Variants in BIRC6 observed in about 807,000 individuals in gnomAD.
BIRC6 encodes baculoviral IAP repeat containing 6, also known as dual E2 ubiquitin-conjugating enzyme/E3 ubiquitin-protein ligase BIRC6.
Under a neutral mutation model 503.3 loss-of-function variants are expected in BIRC6, and 98 were observed. That is an observed-to-expected ratio of 0.19 (90% CI 0.17 to 0.23). The LOEUF (loss-of-function observed/expected upper bound fraction) is 0.23, where lower values mean the gene tolerates loss of function less well. BIRC6 is among the 10% of genes least tolerant of loss of function. BIRC6 has a pLI of 1.00. For synonymous variants in BIRC6, 2,240 were observed against 2,078.7 expected, an observed-to-expected ratio of 1.08 and a Z score of -2.11; for missense variants, 5,360 against 5,806.0, an observed-to-expected ratio of 0.92 and a Z score of 2.50.
intron 46 of BIRC6, among the ~76,000 whole-genome samples, chr2:32,500,608 T>A: frequency 1.1e-5 from 1 of 88,350 alleles, no homozygotes; most frequent in East Asian, 2.2e-4. Context: ...TTGTTTTTGT[T>A]TTTTTTTTTT....
chr2:32,498,626 C>T (rs763133764), intron 45 of BIRC6, among the ~76,000 whole-genome samples: 9 of 152,000 alleles, frequency 5.9e-5, no homozygotes, highest in South Asian at 2.1e-4. Context: ...TTCGCTCTGT[C>T]ACCCAGGCTA....
chr2:32,553,721 C>G (rs1048507071), intron 65 of BIRC6, among the ~76,000 whole-genome samples: 1 of 151,980 alleles, frequency 6.6e-6, no homozygotes, highest in South Asian at 2.1e-4. Context: ...TAAAAAAAAG[C>G]GTTTGGTGGC....
chr2:32,509,590 C>T (rs2054186873), intron 51 of BIRC6, 148 bp from the exon 52 acceptor site: 1 of 875,862 alleles, frequency 1.1e-6, no homozygotes, highest in Non-Finnish European at 1.7e-6. Context: ...TGTCTGTTTA[C>T]TTAATTTGCA....
intron 35 of BIRC6, among the ~76,000 whole-genome samples, chr2:32,478,412 A>T (rs1415218482): frequency 6.6e-6 from 1 of 152,194 alleles, no homozygotes; most frequent in African/African-American, 2.4e-5. Flanking sequence ...GTAGAAATTT[A>T]ATTCTTAACT....
At position 32,482,511 on chromosome 2, in the gene BIRC6, T is replaced by C. The variant is rs1472338401; in HGVS notation, c.7625T>C (p.Ile2542Thr). The change falls in exon 39 of 74, where the codon ATT (isoleucine) becomes ACT (threonine). Residue 2542 changes from isoleucine to threonine, a missense_variant. Ile to Thr is a moderately conservative substitution (Grantham distance 89, BLOSUM62 -1). Transcript: ENST00000421745. ...NYNPYIGGLG[I>T]PVAKPPANTE... is the part of the protein sequence containing the mutation. ...AACCCTTACATTGGAGGTCTGGGAATTCCTGTAGCAAAGCCACCAGCAAAC... is the reference window on the plus strand; with the variant it reads ...AACCCTTACATTGGAGGTCTGGGAACTCCTGTAGCAAAGCCACCAGCAAAC... The C allele has an allele frequency of 6.2e-7, 1 of 1,613,956 alleles. No homozygotes were observed. Among genetic ancestry groups the C allele is most frequent in the South Asian group, 1.1e-5 (1 of 91,090 alleles).
chr2:32,514,742 A>G (rs757547443), intron 54 of BIRC6, among the ~76,000 whole-genome samples: 21 of 152,154 alleles, frequency 1.4e-4, no homozygotes, highest in Non-Finnish European at 1.9e-4. Flanking sequence ...AAAATAATTT[A>G]CTTGATTTTC....
chr2:32,417,326 T>C (rs2042481991), intron 10 of BIRC6, among the ~76,000 whole-genome samples: 1 of 152,036 alleles, frequency 6.6e-6, no homozygotes, highest in East Asian at 1.9e-4. Context: ...TATTTTTTTG[T>C]AGAAATGGGA....
At position 32,558,595 on chromosome 2, in the gene BIRC6, A is replaced by G. The variant is rs373745931; in HGVS notation, c.13144+9114A>G. 1.4e-4 allele frequency: 22 copies of G among 152,362 alleles called. No individual in the cohort carries two copies. The East Asian group carries it at 3.9e-3, about 27-fold the overall frequency. The allele number at this position is 152,362 out of a possible 1,614,324, so 9.4% of individuals were successfully genotyped here. On this transcript the variant is annotated intron_variant, in intron 65 of 73. Coordinates refer to ENST00000421745, the MANE Select transcript of BIRC6 (RefSeq NM_016252.4). Reference sequence around the variant, plus strand: ...AAACACATCACATATTTAAGCTTAAAATAATGGAGTTACTAAATGTCAGAG... The same window carrying G: ...AAACACATCACATATTTAAGCTTAAGATAATGGAGTTACTAAATGTCAGAG...
rs748204802 is a variant in BIRC6 at position 32,518,374 on chromosome 2, A to T, written c.11470A>T (p.Met3824Leu). 6.2e-7 allele frequency: 1 copy of T among 1,609,252 alleles called. No individual in the cohort carries two copies. Among genetic ancestry groups the T allele is most frequent in the Non-Finnish European group, 8.5e-7 (1 of 1,178,844 alleles). ...QLMLEDEKVTMFLQSPCPLYK... is the reference protein window; with the variant it reads ...QLMLEDEKVTLFLQSPCPLYK... ...GATGCTGGAAGATGAGAAAGTGACAATGTTTCTTCAGTCTCCATGTCCAGT... is the reference window on the plus strand; with the variant it reads ...GATGCTGGAAGATGAGAAAGTGACATTGTTTCTTCAGTCTCCATGTCCAGT... The change falls in exon 56 of 74, where the codon ATG becomes TTG. Residue 3824 changes from methionine to leucine, a missense_variant. By Grantham distance (15) the Met-to-Leu change is conservative. Transcript: ENST00000421745.
intron 66 of BIRC6, among the ~76,000 whole-genome samples, chr2:32,587,223 C>T (rs2061092959): frequency 6.6e-6 from 1 of 152,108 alleles, no homozygotes; most frequent in South Asian, 2.1e-4. Context: ...ATTGTCTTTA[C>T]TAAAAATACA....
rs1333385329 is a variant in BIRC6, at chr2:32,415,895, T to C, written c.2604T>C (p.Asp868=). 1.9e-6 allele frequency: 3 copies of C among 1,613,888 alleles called. No individual in the cohort carries two copies. In the African/African-American group the frequency reaches 4.0e-5, roughly 22 times the overall value. ...TTTTGCTTCCACCCGATATATTGGA[T>C]AATCGAGAGGATGACTGTGAGGAAC... ...SLILLPPDIL[D]NREDDCEEPI... Residue 868 remains aspartate, a synonymous_variant, in exon 10 of 74, where the codon GAT becomes GAC. Coordinates refer to ENST00000421745, the MANE Select transcript of BIRC6 (RefSeq NM_016252.4).
intron 11 of BIRC6, among the ~76,000 whole-genome samples, chr2:32,429,657 T>A (rs1468326719): frequency 6.6e-6 from 1 of 152,172 alleles, no homozygotes; most frequent in African/African-American, 2.4e-5. Flanking sequence ...CCATCCTGAA[T>A]CTCTCGATAG....
At position 32,618,676 on chromosome 2, in the gene BIRC6, A is replaced by AT. The variant is rs559402845; in HGVS notation, c.*782dup. ...TCAATTTGAAAGTCATTCTAAACTG[A>AT]TTTTTTTTTTCTAAAGGGCTCCTTT... is the stretch of plus-strand genomic sequence containing the variant. On this transcript the variant is annotated 3_prime_UTR_variant, in exon 74 of 74. Coordinates refer to ENST00000421745, the MANE Select transcript of BIRC6 (RefSeq NM_016252.4). 1,015 of 150,874 alleles carry AT rather than the reference A, an allele frequency of 6.7e-3. 4 individuals are homozygous for AT. The highest frequency in any genetic ancestry group is 0.01 in the Non-Finnish European group (692 of 67,474). 9.3% of individuals were successfully genotyped at this position (150,874 alleles called of 1,614,324 possible). A position where few individuals can be genotyped will look rare whatever the true frequency, so the allele number is the denominator to read the frequency against.
chr2:32,460,957 T>C (rs540611623), intron 23 of BIRC6, among the ~76,000 whole-genome samples: 102 of 151,656 alleles, frequency 6.7e-4, no homozygotes, highest in African/African-American at 2.4e-3. Flanking sequence ...ATTTTGGGAC[T>C]ACGCATGTTT....
chr2:32,504,866 G>T, intron 49 of BIRC6, 139 bp from the exon 50 acceptor site: 1 of 755,638 alleles, frequency 1.3e-6, no homozygotes. Context: ...GTCATGCTTA[G>T]GATACTAAGT....
chr2:32,461,942 C>G (rs1252380948), intron 23 of BIRC6, among the ~76,000 whole-genome samples: 2 of 152,084 alleles, frequency 1.3e-5, no homozygotes, highest in Non-Finnish European at 2.9e-5. Flanking sequence ...TAACACTATG[C>G]CCTTCATTGG....
At chr2:32,402,237 C>T (rs999037066) in intron 8 of BIRC6, among the ~76,000 whole-genome samples, 1 of 152,198 alleles carries the variant, frequency 6.6e-6, no homozygotes, top group East Asian at 1.9e-4. Flanking sequence ...CAAAGTATCA[C>T]CCTCTTTCAC....
Position 32,529,762 on chromosome 2 carries a change from G to T in BIRC6, c.12032G>T (p.Arg4011Ile), listed in dbSNP as rs756738818. ...GATCTGACTGTTAAATTGGGATCAA[G>T]AGTTATAACAGACCCCAGTCTATCA... ...SIDLTVKLGS[R>I]VITDPSLSKT... The change falls in exon 60 of 74, where the codon AGA (arginine) becomes ATA (isoleucine). Residue 4011 changes from arginine (R) to isoleucine (I), a missense_variant. Arg to Ile is a moderately conservative substitution (Grantham distance 97). Around this residue, in one of 16 missense-constraint regions of BIRC6, gnomAD observed 878 missense variants for 928.9 expected, o/e 0.95. Transcript: ENST00000421745. 3 of 1,613,368 alleles carry T rather than the reference G, an allele frequency of 1.9e-6. No individual in the cohort carries two copies. Among genetic ancestry groups the T allele is most frequent in the Non-Finnish European group, 2.5e-6 (3 of 1,179,606 alleles).
At chr2:32,522,201 G>T (rs961135943) in intron 57 of BIRC6, 1 of 151,750 alleles carries the variant, frequency 6.6e-6, no homozygotes. Context: ...GAACATAGTA[G>T]TCTGTTTGTA....
Sources: allele counts gnomAD v4.1 joint callset (sites outside exome capture counted in the v4.1 genomes callset), GRCh38; gene constraint gnomAD v4.1.1; regional missense constraint gnomAD v4.1.1; transcripts MANE v1.5; gene names NCBI Gene and HGNC (gene_info 2026-07-23, HGNC 2026-07-21).